The following PEX16 variants were observed in gnomAD, a reference collection of about 807,000 sequenced individuals.
PEX16 encodes the protein peroxin 16.
PEX16 carries 37 observed loss-of-function variants against 50.5 expected under a neutral mutation model. That is an observed-to-expected ratio of 0.73 (90% CI 0.56 to 0.96). The LOEUF is 0.96. Ranked by LOEUF, PEX16 falls within the 40% of genes least tolerant of loss-of-function variation. The pLI is 0.00. For missense variants in PEX16, 401 were observed against 438.3 expected, an observed-to-expected ratio of 0.91 and a Z score of 0.76; for synonymous variants, 185 against 190.3, an observed-to-expected ratio of 0.97 and a Z score of 0.23.
At chr11:45,914,518 G>C in intron 6 of PEX16, 50 bp from the exon 7 acceptor site, 1 of 1,611,290 alleles carries the variant, frequency 6.2e-7, no homozygotes. Context: ...GCTGGGGCAG[G>C]GGAAGGTGGC....
chr11:45,914,330 C>T lies in PEX16; in HGVS notation c.680G>A (p.Arg227Gln), dbSNP rs754024503. 1.3e-5 allele frequency: 21 copies of T among 1,612,878 alleles called. No homozygotes were observed. Among genetic ancestry groups the T allele is most frequent in the Non-Finnish European group, 1.6e-5 (19 of 1,180,028 alleles). ...ETIAEFLYIA[R>Q]PLLHLLSLGL... is the part of the protein sequence containing the mutation. ...GCTAAGGATACAGTGCAGCAGCGGCCGGGCAATGTACAAAAACTCTGCGAT... is the reference window on the plus strand; with the variant it reads ...GCTAAGGATACAGTGCAGCAGCGGCTGGGCAATGTACAAAAACTCTGCGAT... The change falls in exon 7 of 11, where the codon CGG (arginine) becomes CAG (glutamine). Residue 227 changes from arginine (R) to glutamine (Q), a missense_variant. By Grantham distance (43) the Arg-to-Gln change is conservative. Transcript: ENST00000378750.
rs1391714514 is a variant in PEX16 at position 45,914,595 on chromosome 11, T to C, written c.541+9A>G. Reference sequence around the variant, plus strand: ...CTAGGTGCCCAGGCCAGCCACATCCTCCACTTACTGTTCTGGAGGGTTCGC... The same window carrying C: ...CTAGGTGCCCAGGCCAGCCACATCCCCCACTTACTGTTCTGGAGGGTTCGC... On this transcript the variant is annotated intron_variant, in intron 6 of 10. Transcript: ENST00000378750. The C allele has an allele frequency of 6.2e-7, 1 of 1,614,016 alleles. No homozygotes were observed. The highest frequency in any genetic ancestry group is 8.5e-7 in the Non-Finnish European group (1 of 1,179,926).
At chr11:45,917,083 A>G (rs992971725) in intron 2 of PEX16, 24 of 553,230 alleles carry the variant, frequency 4.3e-5, no homozygotes, top group Non-Finnish European at 1.7e-5. Flanking sequence ...GGAGATCTAG[A>G]CTTGAATCTT....
chr11:45,915,657 GC>G (rs1280482567), intron 4 of PEX16, 45 bp downstream of exon 4: 1 of 1,612,968 alleles, frequency 6.2e-7, no homozygotes, highest in South Asian at 1.1e-5. Flanking sequence ...TGTGTAGCTA[GC>G]CTGCGTCACC....
intron 10 of PEX16, 81 bp from the exon 11 acceptor site, chr11:45,910,393 G>T: frequency 8.4e-7 from 1 of 1,193,736 alleles, no homozygotes; most frequent in Non-Finnish European, 1.2e-6. Context: ...TCACCCCTGC[G>T]GCCCAGGAGC....
intron 1 of PEX16, 64 bp downstream of exon 1, chr11:45,917,636 G>GA: frequency 6.7e-7 from 1 of 1,485,462 alleles, no homozygotes; most frequent in Admixed American, 2.0e-5. Flanking sequence ...ACTCCGCAGG[G>GA]AAGGGGGCCA....
At chr11:45,916,428 C>A (rs2086836799) in intron 2 of PEX16, 125 bp from the exon 3 acceptor site, 6 of 788,302 alleles carry the variant, frequency 7.6e-6, no homozygotes, top group Admixed American at 6.9e-5. Context: ...TATGTGGAAA[C>A]CAACCTTCTT....
chr11:45,917,413 C>T (rs1161282099), intron 2 of PEX16, 45 bp downstream of exon 2: 2 of 1,596,550 alleles, frequency 1.3e-6, no homozygotes, highest in Non-Finnish European at 1.7e-6. Flanking sequence ...TCACCAGGGG[C>T]CAGGCAGCCG....
intron 6 of PEX16, 33 bp from the exon 7 acceptor site, chr11:45,914,501 G>C (rs1403831976): frequency 6.2e-7 from 1 of 1,610,020 alleles, no homozygotes; most frequent in East Asian, 2.2e-5. Context: ...GAGCGAGCCA[G>C]GCCCAGGCTG....
In PEX16 at chr11:45,917,695, G is replaced by T. The variant is rs1341271925; in HGVS notation, c.112+5C>A. The T allele has an allele frequency of 2.4e-5, 38 of 1,553,092 alleles. No individual in the cohort carries two copies. The highest frequency in any genetic ancestry group is 3.3e-5 in the Non-Finnish European group (38 of 1,147,204). ...GAAGGAACTGATCAAAGGTCAGGGTGGCACCTGCCAGCAGGTAACTGAAGC... is the reference window on the plus strand; with the variant it reads ...GAAGGAACTGATCAAAGGTCAGGGTTGCACCTGCCAGCAGGTAACTGAAGC... On this transcript the variant is annotated splice_donor_5th_base_variant and intron_variant, in intron 1 of 10. Coordinates refer to ENST00000378750, the MANE Select transcript of PEX16 (RefSeq NM_004813.4).
Position 45,910,044 on chromosome 11 carries a change from G to T in PEX16, c.*210C>A. The T allele has an allele frequency of 1.3e-6, 2 of 1,541,904 alleles. No homozygotes were observed. Among genetic ancestry groups the T allele is most frequent in the Non-Finnish European group, 1.8e-6 (2 of 1,118,626 alleles). On this transcript the variant is annotated 3_prime_UTR_variant, in exon 11 of 11. Transcript: ENST00000378750. The stretch of plus-strand genomic sequence containing the variant: ...CTAGTGAAGGCTTCTTGGCCCAGCA[G>T]TGACAAGGTGCGGGCTGCAGTGGCA...
chr11:45,917,534 C>T (rs374463831), intron 1 of PEX16, 41 bp from the exon 2 acceptor site: 1 of 1,610,326 alleles, frequency 6.2e-7, no homozygotes, highest in African/African-American at 1.3e-5. Flanking sequence ...TGAGCATCTG[C>T]CTCACATTTC....
At chr11:45,915,934 C>A in intron 3 of PEX16, 98 bp from the exon 4 acceptor site, 1 of 1,199,832 alleles carries the variant, frequency 8.3e-7, no homozygotes. Flanking sequence ...GAGATGTGGA[C>A]CTTCCCCTTT....
chr11:45,917,098 C>A, intron 2 of PEX16: 1 of 576,934 alleles, frequency 1.7e-6, no homozygotes, highest in South Asian at 1.5e-5. Context: ...AATCTTGGTT[C>A]TGGGACCATC....
chr11:45,914,774 T>G, intron 5 of PEX16, 90 bp from the exon 6 acceptor site: 1 of 1,083,816 alleles, frequency 9.2e-7, no homozygotes, highest in Admixed American at 1.7e-5. Context: ...GCTCAGGAGC[T>G]AAGGGGAGAA....
chr11:45,918,081 T>C (rs2086859705), upstream of PEX16: 11 of 526,520 alleles, frequency 2.1e-5, no homozygotes, highest in Non-Finnish European at 3.5e-5. Flanking sequence ...TCTCCGCCCC[T>C]GACCCGCCCA....
chr11:45,910,506 A>G (rs2086766042), intron 10 of PEX16, among the ~76,000 whole-genome samples, 194 bp from the exon 11 acceptor site: 1 of 152,200 alleles, frequency 6.6e-6, no homozygotes, highest in Non-Finnish European at 1.5e-5. Flanking sequence ...CAGCCAGGGT[A>G]GACACTGAGG....
At position 45,914,652 on chromosome 11, in the gene PEX16, A is replaced by T; in HGVS notation, c.493T>A (p.Ser165Thr). 2 of 1,614,186 alleles carry T rather than the reference A, an allele frequency of 1.2e-6. No homozygotes were observed. ...GDHSPGNHEQ[S>T]YVGKRSNRVV... ...CGGTTTGACCGCTTCCCCACGTAGG[A>T]CTGCTCATGGTTGCCAGGGCTGTGG... The change falls in exon 6 of 11, where the codon TCC (serine) becomes ACC (threonine). Residue 165 changes from serine to threonine, a missense_variant. Physicochemically the swap from Ser to Thr is moderately conservative, Grantham distance 58. Coordinates refer to ENST00000378750, the MANE Select transcript of PEX16 (RefSeq NM_004813.4).
chr11:45,914,472 G>T lies in PEX16; in HGVS notation c.542-4C>A. The T allele has an allele frequency of 6.2e-7, 1 of 1,608,270 alleles. No homozygotes were observed. On this transcript the variant is annotated splice_region_variant and splice_polypyrimidine_tract_variant and intron_variant, in intron 6 of 10. Coordinates refer to ENST00000378750, the MANE Select transcript of PEX16 (RefSeq NM_004813.4). ...TGCCTGGAGTGCAGGGACGGCGCTA[G>T]AACACAAGGGCGGCAGATGAGCGAG...
Sources: allele counts gnomAD v4.1 joint callset (sites outside exome capture counted in the v4.1 genomes callset), GRCh38; gene constraint gnomAD v4.1.1; transcripts MANE v1.5; gene names NCBI Gene and HGNC (gene_info 2026-07-23, HGNC 2026-07-21).